The following TFG variants were observed in gnomAD, a reference collection of about 807,000 sequenced individuals.
TFG encodes protein TFG.
TFG carries 22 observed loss-of-function variants against 51.4 expected under a neutral mutation model. That is an observed-to-expected ratio of 0.43 (90% CI 0.31 to 0.61). The LOEUF (loss-of-function observed/expected upper bound fraction) is 0.61. TFG is among the 20% of genes least tolerant of loss of function. TFG has a pLI of 0.12. For synonymous variants in TFG, 187 were observed against 165.6 expected, an observed-to-expected ratio of 1.13 and a Z score of -0.99; for missense variants, 419 against 487.7, an observed-to-expected ratio of 0.86 and a Z score of 1.33.
At chr3:100,718,503 C>T (rs1364004320) in intron 2 of TFG, among the ~76,000 whole-genome samples, 1 of 145,230 alleles carries the variant, frequency 6.9e-6, no homozygotes, top group Non-Finnish European at 1.5e-5. Flanking sequence ...GAGGTGTCCT[C>T]GTTGTAGTTT....
chr3:100,713,929 G>C, intron 2 of TFG, 60 bp downstream of exon 2: 2 of 991,044 alleles, frequency 2.0e-6, no homozygotes, highest in Non-Finnish European at 2.9e-6. Context: ...AAAAAAGACA[G>C]AGCCTCTGTT....
intron 6 of TFG, among the ~76,000 whole-genome samples, chr3:100,742,266 A>T (rs1284259394): frequency 6.6e-6 from 1 of 152,190 alleles, no homozygotes; most frequent in Non-Finnish European, 1.5e-5. Flanking sequence ...TTTAAGTGAG[A>T]TGACGTATGA....
chr3:100,734,258 G>A (rs1440370697), intron 5 of TFG, among the ~76,000 whole-genome samples: 1 of 151,992 alleles, frequency 6.6e-6, no homozygotes, highest in African/African-American at 2.4e-5. Flanking sequence ...TCCCTATGGT[G>A]TATAGCAGCT....
At chr3:100,725,622 C>CAAAAAAAAAAAAA (rs763163559) in intron 3 of TFG, among the ~76,000 whole-genome samples, 5 of 83,490 alleles carry the variant, frequency 6.0e-5, no homozygotes, top group East Asian at 3.6e-4. Flanking sequence ...ACCAAAAATA[C>CAAAAAAAAAAAAA]AAAAAAAAAA....
In TFG at chr3:100,748,264, T is replaced by A; in HGVS notation, c.936T>A (p.Pro312=). The change falls in exon 8 of 8, where the codon CCT becomes CCA. Residue 312 remains proline, a synonymous_variant. Transcript: ENST00000240851. ...TTTCTGGTCAGCCTCAACAACTGCC[T>A]GCTCAGCCGCCACAGCAGTACCAGG... ...PAFSGQPQQL[P]AQPPQQYQAS... 1 of 1,614,130 alleles carries A rather than the reference T, an allele frequency of 6.2e-7. No individual in the cohort carries two copies.
Position 100,713,673 on chromosome 3 carries a change from C to G in TFG, c.-13C>G, listed in dbSNP as rs531202710. 17 of 1,577,400 alleles carry G rather than the reference C, an allele frequency of 1.1e-5. No homozygotes were observed. The highest frequency in any genetic ancestry group is 1.4e-5 in the Non-Finnish European group (16 of 1,157,602). On this transcript the variant is annotated 5_prime_UTR_variant, in exon 2 of 8. It adds an upstream start codon to the 5' untranslated region. Coordinates refer to ENST00000240851, the MANE Select transcript of TFG (RefSeq NM_006070.6). Reference sequence around the variant, plus strand: ...CTCTAGAGTTGTATATATAGAACATCCTGGAGTCCACCATGAACGGACAGT... The same window carrying G: ...CTCTAGAGTTGTATATATAGAACATGCTGGAGTCCACCATGAACGGACAGT...
rs1475615898 is a variant in TFG at position 100,736,601 on chromosome 3, T to A, written c.606T>A (p.Asp202Glu). Residue 202 changes from aspartate (D) to glutamate (E), a missense_variant, in exon 6 of 8, where the codon GAT (aspartate) becomes GAA (glutamate). Physicochemically the swap from Asp to Glu is conservative, Grantham distance 45. This residue lies in a region of TFG where 391 missense variants were observed against 434.4 expected (regional missense o/e 0.90). Coordinates refer to ENST00000240851, the MANE Select transcript of TFG (RefSeq NM_006070.6). ...VSGPPSAPAE[D>E]RSGTPDSIAS... ...GGCCACCCAGTGCTCCTGCAGAAGA[T>A]CGTTCAGGAACACCCGACAGCATTG... 1.9e-6 allele frequency: 3 copies of A among 1,613,748 alleles called. No homozygotes were observed. The African/African-American group carries it at 4.0e-5, about 22-fold the overall frequency.
At chr3:100,731,492 T>C (rs1279362018) in intron 4 of TFG, among the ~76,000 whole-genome samples, 1 of 152,184 alleles carries the variant, frequency 6.6e-6, no homozygotes, top group Non-Finnish European at 1.5e-5. Flanking sequence ...AAAGTTTAAG[T>C]ATATAAGAAA....
At chr3:100,731,981 A>T (rs2095092869) in intron 4 of TFG, among the ~76,000 whole-genome samples, 1 of 152,232 alleles carries the variant, frequency 6.6e-6, no homozygotes, top group Non-Finnish European at 1.5e-5. Context: ...TGTGCTATTT[A>T]TGGAAGATTA....
At chr3:100,741,758 T>G (rs2095121811) in intron 6 of TFG, among the ~76,000 whole-genome samples, 1 of 152,130 alleles carries the variant, frequency 6.6e-6, no homozygotes, top group African/African-American at 2.4e-5. Flanking sequence ...ATTTTTTATC[T>G]TTTTTGCCAT....
At chr3:100,715,265 A>G in intron 2 of TFG, among the ~76,000 whole-genome samples, 1 of 152,238 alleles carries the variant, frequency 6.6e-6, no homozygotes, top group East Asian at 1.9e-4. Flanking sequence ...TGTTACCTTC[A>G]ACACATGGCT....
intron 3 of TFG, among the ~76,000 whole-genome samples, chr3:100,724,658 C>T (rs1053465421): frequency 6.6e-6 from 1 of 152,080 alleles, no homozygotes; most frequent in African/African-American, 2.4e-5. Context: ...AAAATGCAAA[C>T]CAGTGTCACG....
At chr3:100,736,308 A>G (rs1247101339) in intron 5 of TFG, among the ~76,000 whole-genome samples, 4 of 152,176 alleles carry the variant, frequency 2.6e-5, no homozygotes, top group African/African-American at 9.7e-5. Flanking sequence ...CATTGCAGAC[A>G]TGAGTTTTGA....
At chr3:100,746,452 A>G (rs1054520297) in intron 7 of TFG, among the ~76,000 whole-genome samples, 7 of 152,162 alleles carry the variant, frequency 4.6e-5, no homozygotes, top group African/African-American at 1.4e-4. Flanking sequence ...TCTGCATTCT[A>G]CAACCTAGAC....
rs775895691 is a variant in TFG at position 100,744,894 on chromosome 3, A to T, written c.783A>T (p.Pro261=). The part of the protein sequence containing the change: ...AGYGAQQPQA[P]PQQPQQYGIQ... The stretch of plus-strand genomic sequence containing the variant: ...ATGGTGCACAGCAGCCGCAGGCTCC[A>T]CCTCAGCAGCCTCAACAGTATGGTA... The change falls in exon 7 of 8, where the codon CCA becomes CCT. Residue 261 remains proline (P), a synonymous_variant. Transcript: ENST00000240851. 1 of 1,613,714 alleles carries T rather than the reference A, an allele frequency of 6.2e-7. No individual in the cohort carries two copies. Among genetic ancestry groups the T allele is most frequent in the South Asian group, 1.1e-5 (1 of 91,034 alleles).
intron 5 of TFG, among the ~76,000 whole-genome samples, chr3:100,735,976 G>C (rs1229513069): frequency 6.6e-6 from 1 of 152,092 alleles, no homozygotes; most frequent in African/African-American, 2.4e-5. Context: ...AGTCAAGAAG[G>C]CTTACTAGAA....
rs540513022 is a variant in TFG, at chr3:100,716,270, A to T, written c.184+2401A>T. ...ATCTGTTCTGCTTTTTACTTGTATA[A>T]GATCAACTTTTTTTAGCTTCCACAT... On this transcript the variant is annotated intron_variant, in intron 2 of 7. Transcript: ENST00000240851. Among the ~76,000 whole-genome samples, 20 of 152,252 alleles carry T rather than the reference A, an allele frequency of 1.3e-4. No individual in the cohort carries two copies. The South Asian group carries it at 4.1e-3, about 32-fold the overall frequency.
chr3:100,716,038 T>G (rs2095044943), intron 2 of TFG, among the ~76,000 whole-genome samples: 1 of 152,176 alleles, frequency 6.6e-6, no homozygotes, highest in African/African-American at 2.4e-5. Context: ...CGCATATCCA[T>G]CACCTCAAAT....
At chr3:100,725,031 G>A (rs1315926218) in intron 3 of TFG, among the ~76,000 whole-genome samples, 1 of 152,198 alleles carries the variant, frequency 6.6e-6, no homozygotes, top group Non-Finnish European at 1.5e-5. Context: ...AGCTTCCCGA[G>A]TAGCTGGGAC....
Sources: allele counts gnomAD v4.1 joint callset (sites outside exome capture counted in the v4.1 genomes callset), GRCh38; gene constraint gnomAD v4.1.1; regional missense constraint gnomAD v4.1.1; transcripts MANE v1.5; gene names NCBI Gene and HGNC (gene_info 2026-07-23, HGNC 2026-07-21).